The following RUFY4 variants were observed in gnomAD, a reference collection of about 807,000 sequenced individuals.
The protein encoded by RUFY4 is RUN and FYVE domain-containing protein 4.
A neutral mutation model predicts 69.0 loss-of-function variants in RUFY4; 73 were observed. The observed-to-expected ratio is 1.06, with a 90% CI of 0.88 to 1.29. RUFY4 has a LOEUF of 1.29. Among genes scored for constraint, RUFY4 ranks in the 50% most tolerant of loss-of-function variants. RUFY4 has a pLI of 0.00. For missense variants in RUFY4, 770 were observed against 705.6 expected, an observed-to-expected ratio of 1.09 and a Z score of -1.03; for synonymous variants, 287 against 271.8, an observed-to-expected ratio of 1.06 and a Z score of -0.55.
At chr2:218,076,177 G>A (rs56152362) in intron 7 of RUFY4, among the ~76,000 whole-genome samples, 23 of 152,220 alleles carry the variant, frequency 1.5e-4, no homozygotes, top group Non-Finnish European at 2.6e-4. Context: ...GCCTCCCTTC[G>A]GCCTCCACCC....
At chr2:218,090,363 T>G (rs1690004228) in exon 11 of RUFY4, 2 of 287,272 alleles carry the variant, frequency 7.0e-6, no homozygotes, top group Non-Finnish European at 1.4e-5. Flanking sequence ...TGACTGTGGA[T>G]AAGACCCCAG....
At chr2:218,086,387 C>A (rs1689894738) in intron 9 of RUFY4, among the ~76,000 whole-genome samples, 2 of 152,156 alleles carry the variant, frequency 1.3e-5, no homozygotes, top group African/African-American at 2.4e-5. Flanking sequence ...ACAAAGCCCA[C>A]AGTTAGATAC....
At chr2:218,081,549 G>T (rs1173992264) in intron 8 of RUFY4, among the ~76,000 whole-genome samples, 1 of 152,016 alleles carries the variant, frequency 6.6e-6, no homozygotes, top group Non-Finnish European at 1.5e-5. Flanking sequence ...CTTTATTCCT[G>T]GCACCTAAAC....
Position 218,072,904 on chromosome 2 carries a change from C to T in RUFY4, c.386+19C>T, listed in dbSNP as rs1329179420. The T allele has an allele frequency of 2.0e-6, 3 of 1,499,370 alleles. No individual in the cohort carries two copies. 92.9% of individuals were successfully genotyped at this position (1,499,370 alleles called of 1,614,324 possible). A position where few individuals can be genotyped will look rare whatever the true frequency, so the allele number is the denominator to read the frequency against. On this transcript the variant is annotated intron_variant, in intron 4 of 10. Transcript: ENST00000344321. ...TCACCAGGTGGGGCTGTTGGGACAT[C>T]CTCCTGCCGATGCCATCTGAGCCAC...
chr2:218,059,515 A>G (rs1300563004), intron 3 of RUFY4: 1 of 166,956 alleles, frequency 6.0e-6, no homozygotes, highest in Non-Finnish European at 1.5e-5. Flanking sequence ...AAGTGGAATC[A>G]TAAACTATTT....
chr2:218,051,794 T>C (rs564891489), intron 2 of RUFY4, among the ~76,000 whole-genome samples: 14 of 152,192 alleles, frequency 9.2e-5, no homozygotes, highest in Non-Finnish European at 1.5e-5. Context: ...ACTGGTCTTC[T>C]ATGTTTGAAA....
intron 3 of RUFY4, chr2:218,060,323 A>G (rs1689152004): frequency 6.6e-7 from 1 of 1,520,520 alleles, no homozygotes; most frequent in Non-Finnish European, 8.8e-7. Flanking sequence ...ACGGGACTGC[A>G]CTTAGGCAAG....
rs372227560 is a variant in RUFY4 at position 218,076,488 on chromosome 2, G to A, written c.1310G>A (p.Arg437Lys). Residue 437 changes from arginine (R) to lysine (K), a missense_variant, in exon 8 of 11, where the codon AGG becomes AAG. Physicochemically the swap from Arg to Lys is conservative, Grantham distance 26 (BLOSUM62 2). Transcript: ENST00000344321. The stretch of plus-strand genomic sequence containing the variant: ...GCCCAGCGCCAGGAGCAGCTGCTGA[G>A]GGAGCAGGAGGGGGAGCTGCAGGCA... 6.4e-7 allele frequency: 1 copy of A among 1,551,136 alleles called. No individual in the cohort carries two copies. The highest frequency in any genetic ancestry group is 8.7e-7 in the Non-Finnish European group (1 of 1,146,726).
intron 4 of RUFY4, 104 bp downstream of exon 6, chr2:218,072,989 C>G (rs1240634396): frequency 1.9e-6 from 2 of 1,037,936 alleles, no homozygotes; most frequent in Non-Finnish European, 2.7e-6. Flanking sequence ...CTATCAAGGA[C>G]AGTTACAATG....
intron 2 of RUFY4, among the ~76,000 whole-genome samples, chr2:218,043,035 T>C (rs1160322008): frequency 6.6e-6 from 1 of 152,108 alleles, no homozygotes; most frequent in African/African-American, 2.4e-5. Flanking sequence ...CCAGGGAGAA[T>C]GAGGTAGGCA....
intron 3 of RUFY4, among the ~76,000 whole-genome samples, chr2:218,063,432 T>A (rs1309110320): frequency 6.6e-6 from 1 of 152,172 alleles, no homozygotes; most frequent in Non-Finnish European, 1.5e-5. Flanking sequence ...GGTGGGAATG[T>A]AAGATGGGGC....
At chr2:218,061,974 A>T (rs1448985180) in intron 3 of RUFY4, among the ~76,000 whole-genome samples, 1 of 152,368 alleles carries the variant, frequency 6.6e-6, no homozygotes, top group East Asian at 1.9e-4. Flanking sequence ...AAACAGTTTG[A>T]ACAGTAGCAT....
intron 10 of RUFY4, chr2:218,089,696 C>G (rs1161533135): frequency 1.4e-6 from 1 of 703,404 alleles, no homozygotes; most frequent in East Asian, 2.7e-5. Context: ...GTGCTAGGAC[C>G]AGCCTTGGGA....
At chr2:218,075,804 G>T (rs1244526804) in intron 7 of RUFY4, 64 bp downstream of exon 9, 2 of 1,347,550 alleles carry the variant, frequency 1.5e-6, no homozygotes, top group Non-Finnish European at 1.9e-6. Flanking sequence ...ACAGATGAGG[G>T]TCTGCAATGG....
At chr2:218,051,807 G>A (rs922113709) in intron 2 of RUFY4, among the ~76,000 whole-genome samples, 3 of 152,158 alleles carry the variant, frequency 2.0e-5, no homozygotes, top group African/African-American at 4.8e-5. Flanking sequence ...GTTTGAAACA[G>A]AAAGGTTTTC....
intron 4 of RUFY4, 40 bp from the exon 7 acceptor site, chr2:218,073,203 C>A (rs1201597127): frequency 6.5e-7 from 1 of 1,539,772 alleles, no homozygotes. Context: ...GAAACAGCAC[C>A]AGGGTCAAAG....
At position 218,075,447 on chromosome 2, in the gene RUFY4, G is replaced by T. The variant is rs192336087; in HGVS notation, c.955G>T (p.Val319Phe). The change falls in exon 7 of 11, where the codon GTT becomes TTT. Residue 319 changes from valine to phenylalanine, a missense_variant. By Grantham distance (50) the Val-to-Phe change is conservative. Transcript: ENST00000344321. ...AGGGATGGAGGCTGAGGTCACAGGG[G>T]TTCTGCTGGTTGCAGAGGGTCAGAG... 3,788 of 1,609,826 alleles carry T rather than the reference G, an allele frequency of 2.4e-3. 122 individuals carry two copies. The Admixed American group carries it at 0.055, about 23-fold the overall frequency.
chr2:218,064,769 G>C (rs980936374), upstream of RUFY4, among the ~76,000 whole-genome samples: 4 of 151,648 alleles, frequency 2.6e-5, no homozygotes, highest in African/African-American at 9.7e-5. Context: ...CAAAGACCCT[G>C]GCACCCTAGT....
intron 3 of RUFY4, among the ~76,000 whole-genome samples, chr2:218,064,053 C>T (rs1689263438): frequency 1.3e-5 from 2 of 152,198 alleles, no homozygotes; most frequent in South Asian, 4.1e-4. Flanking sequence ...TTTCCATGAA[C>T]CCATAAGCAC....
Sources: allele counts gnomAD v4.1 joint callset (sites outside exome capture counted in the v4.1 genomes callset), GRCh38; gene constraint gnomAD v4.1.1; transcripts MANE v1.5; gene names NCBI Gene and HGNC (gene_info 2026-07-23, HGNC 2026-07-21).